FAM20C: variants seen among roughly 807,000 people sequenced by gnomAD.
FAM20C encodes extracellular serine/threonine protein kinase FAM20C.
A neutral mutation model predicts 51.5 loss-of-function variants in FAM20C; 40 were observed. That is an observed-to-expected ratio of 0.78 (90% CI 0.60 to 1.01). The LOEUF is 1.01. FAM20C is among the 50% of genes least tolerant of loss of function. The probability of loss-of-function intolerance (pLI) is 0.00; values close to 1 mark genes in which losing one functional copy is unlikely to be tolerated. For missense variants in FAM20C, 861 were observed against 844.7 expected, an observed-to-expected ratio of 1.02 and a Z score of -0.24; for synonymous variants, 406 against 380.6, an observed-to-expected ratio of 1.07 and a Z score of -0.78.
chr7:234,441 T>A (rs1432633106), intron 3 of FAM20C, among the ~76,000 whole-genome samples: 1 of 152,094 alleles, frequency 6.6e-6, no homozygotes, highest in Admixed American at 6.5e-5. Flanking sequence ...GACCACTCCC[T>A]GTATCGGGGG....
chr7:218,950 C>A (rs935728257), intron 3 of FAM20C, among the ~76,000 whole-genome samples: 1 of 152,060 alleles, frequency 6.6e-6, no homozygotes, highest in Non-Finnish European at 1.5e-5. Context: ...GGGCCCAGGA[C>A]GGACAGATCA....
intron 8 of FAM20C, among the ~76,000 whole-genome samples, chr7:258,337 T>G (rs1788719027): frequency 1.1e-5 from 1 of 93,948 alleles, no homozygotes; most frequent in Admixed American, 9.1e-5. Context: ...GTGCTGGAGA[T>G]GGGCAGGGTG....
At chr7:217,741 G>C (rs1460002686) in intron 3 of FAM20C, among the ~76,000 whole-genome samples, 1 of 152,152 alleles carries the variant, frequency 6.6e-6, no homozygotes, top group Non-Finnish European at 1.5e-5. Context: ...TAATAAGAAA[G>C]ACGGGAGAAC....
intron 3 of FAM20C, among the ~76,000 whole-genome samples, chr7:223,613 G>A (rs1383449614): frequency 6.6e-6 from 1 of 152,168 alleles, no homozygotes; most frequent in Non-Finnish European, 1.5e-5. Flanking sequence ...GGGGCGTCCC[G>A]GCTGCTGCAC....
intron 3 of FAM20C, among the ~76,000 whole-genome samples, chr7:236,726 C>T (rs922359002): frequency 3.3e-5 from 5 of 150,304 alleles, no homozygotes; most frequent in African/African-American, 1.2e-4. Context: ...GAGGCGGGTG[C>T]CCTGGAATCT....
intron 2 of FAM20C, among the ~76,000 whole-genome samples, chr7:206,812 C>T (rs1343691103): frequency 9.4e-5 from 12 of 127,936 alleles, no homozygotes; most frequent in African/African-American, 1.3e-4. Context: ...TGTGACGCGT[C>T]GGTCACTGTC....
At chr7:204,993 C>A (rs1323615799) in intron 2 of FAM20C, among the ~76,000 whole-genome samples, 1 of 152,246 alleles carries the variant, frequency 6.6e-6, no homozygotes, top group Non-Finnish European at 1.5e-5. Context: ...GCACTCACAG[C>A]ATTGCCCCCA....
At chr7:242,162 C>T (rs1236288273) in intron 3 of FAM20C, among the ~76,000 whole-genome samples, 1 of 152,060 alleles carries the variant, frequency 6.6e-6, no homozygotes, top group Non-Finnish European at 1.5e-5. Flanking sequence ...ACGGTGAGCT[C>T]CTGCAGTGTA....
At chr7:257,477 G>A (rs988898026) in intron 8 of FAM20C, 13 of 212,530 alleles carry the variant, frequency 6.1e-5, no homozygotes, top group East Asian at 1.2e-4. Flanking sequence ...GGCCTGCCAC[G>A]GGGGGTCTTG....
rs909478150 is a variant in FAM20C, at chr7:256,002, G to A, written c.1226G>A (p.Arg409His). 5.9e-6 allele frequency: 9 copies of A among 1,535,896 alleles called. No homozygotes were observed. Among genetic ancestry groups the A allele is most frequent in the South Asian group, 1.2e-5 (1 of 84,060 alleles). The change falls in exon 6 of 10, where the codon CGT becomes CAT. Residue 409 changes from arginine (R) to histidine (H), a missense_variant. By Grantham distance (29) the Arg-to-His change is conservative. Transcript: ENST00000313766. Reference sequence around the variant, plus strand: ...AAGACCTGGCGGAACCCTTGGCGGCGTTCCTACCACAAGCGCAAGAAGGCC... The same window carrying A: ...AAGACCTGGCGGAACCCTTGGCGGCATTCCTACCACAAGCGCAAGAAGGCC... The part of the protein sequence containing the change: ...KRKTWRNPWR[R>H]SYHKRKKAEW...
intron 3 of FAM20C, among the ~76,000 whole-genome samples, chr7:219,825 G>C (rs545226131): frequency 2.0e-5 from 3 of 152,344 alleles, no homozygotes; most frequent in East Asian, 3.9e-4. Flanking sequence ...TGAGGGATCG[G>C]TTTGGAATTT....
intron 3 of FAM20C, among the ~76,000 whole-genome samples, chr7:222,135 G>T: frequency 6.6e-6 from 1 of 152,234 alleles, no homozygotes; most frequent in Non-Finnish European, 1.5e-5. Context: ...GGAGCCAGAA[G>T]TGCGCAAGTC....
chr7:226,971 C>T (rs1787471362), intron 3 of FAM20C, among the ~76,000 whole-genome samples: 1 of 152,152 alleles, frequency 6.6e-6, no homozygotes, highest in Admixed American at 6.5e-5. Context: ...TCCCTGCAGC[C>T]GTCCAAGCCC....
At chr7:236,201 G>T (rs1436561084) in intron 3 of FAM20C, among the ~76,000 whole-genome samples, 1 of 98,350 alleles carries the variant, frequency 1.0e-5, no homozygotes, top group African/African-American at 8.0e-5. Flanking sequence ...GAGGCTGAGC[G>T]GCTCCTGGCC....
chr7:203,551 G>C (rs1583283450), intron 2 of FAM20C, among the ~76,000 whole-genome samples: 1 of 152,228 alleles, frequency 6.6e-6, no homozygotes, highest in African/African-American at 2.4e-5. Flanking sequence ...GTCTTTGCAA[G>C]GAGACTGTAT....
intron 3 of FAM20C, among the ~76,000 whole-genome samples, chr7:222,615 C>T (rs1424136434): frequency 6.6e-6 from 1 of 152,070 alleles, no homozygotes; most frequent in Non-Finnish European, 1.5e-5. Flanking sequence ...CCTGAGGTGC[C>T]AACCAAAGGC....
At chr7:217,042 A>G (rs1008905881) in intron 3 of FAM20C, among the ~76,000 whole-genome samples, 9 of 152,082 alleles carry the variant, frequency 5.9e-5, no homozygotes, top group Non-Finnish European at 1.2e-4. Flanking sequence ...CTGGCTTCCT[A>G]TGACCCAGGC....
At chr7:236,533 C>A (rs1474232499) in intron 3 of FAM20C, among the ~76,000 whole-genome samples, 1 of 152,226 alleles carries the variant, frequency 6.6e-6, no homozygotes, top group African/African-American at 2.4e-5. Context: ...CCTGGGGACC[C>A]CCTGGGATCG....
chr7:204,561 A>T (rs1786265059), intron 2 of FAM20C, among the ~76,000 whole-genome samples: 1 of 152,252 alleles, frequency 6.6e-6, no homozygotes, highest in African/African-American at 2.4e-5. Context: ...GCCATCAGAA[A>T]TGGGGAGGGC....
Sources: gnomAD v4.1 joint callset for allele counts (sites outside exome capture counted in the v4.1 genomes callset) on GRCh38, gnomAD v4.1.1 for gene constraint, MANE v1.5 for transcripts, NCBI Gene and HGNC (gene_info 2026-07-23, HGNC 2026-07-21) for gene names.